CMIP: variants seen among roughly 807,000 people sequenced by gnomAD.
CMIP encodes c-Maf inducing protein.
CMIP carries 13 observed loss-of-function variants against 97.3 expected under a neutral mutation model. The observed-to-expected ratio is 0.13, with a 90% CI of 0.09 to 0.21. CMIP has a LOEUF of 0.21. CMIP is among the 10% of genes least tolerant of loss of function. The pLI is 1.00. For missense variants in CMIP, 847 were observed against 1,024.9 expected (o/e 0.83, Z 2.37); for synonymous variants, 538 against 436.3 (o/e 1.23, Z -2.91).
intron 1 of CMIP, among the ~76,000 whole-genome samples, chr16:81,596,604 AC>A (rs1233042536): frequency 6.6e-6 from 1 of 152,038 alleles, no homozygotes; most frequent in South Asian, 2.1e-4. Context: ...CAAAGTGAAC[AC>A]CCTGTATCAC....
rs1597199762 is a variant in CMIP at position 81,652,358 on chromosome 16, C to G, written c.633C>G (p.Leu211=). 8.7e-6 allele frequency: 14 copies of G among 1,613,000 alleles called. No individual in the cohort carries two copies. In the East Asian group the frequency reaches 1.1e-4, roughly 13 times the overall value. The part of the protein sequence containing the change: ...QAPLEIVSKL[L]SENTNLTTQE... ...CACTGGAAATCGTCTCGAAACTGCTCTCAGAGGTAAAACCCCTCCCCTGGA... is the reference window on the plus strand; with the variant it reads ...CACTGGAAATCGTCTCGAAACTGCTGTCAGAGGTAAAACCCCTCCCCTGGA... Residue 211 remains leucine, a synonymous_variant, in exon 4 of 21, where the codon CTC becomes CTG. Coordinates refer to ENST00000537098, the MANE Select transcript of CMIP (RefSeq NM_198390.3). This position sits in a 1 kb window ranked among gnomAD's most constrained non-coding sequence, Gnocchi z 5.2.
At chr16:81,702,589 G>A in intron 16 of CMIP, 33 bp from the exon 17 acceptor site, 1 of 1,607,488 alleles carries the variant, frequency 6.2e-7, no homozygotes, top group Non-Finnish European at 8.5e-7. Context: ...TTGGGGAAAA[G>A]AATGGTTGTA....
intron 9 of CMIP, among the ~76,000 whole-genome samples, chr16:81,672,373 C>T (rs965066029): frequency 2.6e-5 from 4 of 152,178 alleles, no homozygotes; most frequent in African/African-American, 7.2e-5. Context: ...GTATGACACA[C>T]TGGTGTGTGT....
At chr16:81,467,820 A>G (rs1053350815) in intron 1 of CMIP, among the ~76,000 whole-genome samples, 5 of 149,418 alleles carry the variant, frequency 3.3e-5, no homozygotes, top group Admixed American at 3.3e-4. Flanking sequence ...GACTCAAGCA[A>G]TTCACCTGCC....
intron 1 of CMIP, among the ~76,000 whole-genome samples, chr16:81,459,142 T>C (rs1906751682): frequency 6.6e-6 from 1 of 152,206 alleles, no homozygotes; most frequent in African/African-American, 2.4e-5. Flanking sequence ...TATACCTTCC[T>C]GCTTCCTGCA....
chr16:81,693,825 A>T (rs1467765212), intron 13 of CMIP, among the ~76,000 whole-genome samples: 1 of 152,148 alleles, frequency 6.6e-6, no homozygotes, highest in Non-Finnish European at 1.5e-5. Flanking sequence ...TATGTGAATC[A>T]CTGGGCAGAG....
intron 15 of CMIP, among the ~76,000 whole-genome samples, chr16:81,700,063 C>G (rs1461638312): frequency 6.6e-6 from 1 of 152,174 alleles, no homozygotes; most frequent in Non-Finnish European, 1.5e-5. Flanking sequence ...GTGTAACAAA[C>G]CACCTCTAAG....
At chr16:81,481,904 G>T (rs1310961296) in intron 1 of CMIP, among the ~76,000 whole-genome samples, 2 of 149,746 alleles carry the variant, frequency 1.3e-5, no homozygotes, top group Admixed American at 1.3e-4. Flanking sequence ...TTTGAGAGGG[G>T]GTCTCACTCT....
intron 19 of CMIP, 64 bp downstream of exon 19, chr16:81,705,668 C>A: frequency 1.8e-6 from 2 of 1,083,236 alleles, no homozygotes; most frequent in Non-Finnish European, 2.7e-6. Flanking sequence ...CTTGCTTCAG[C>A]CAAACTGGCC....
At chr16:81,543,810 A>G (rs2090492996) in intron 1 of CMIP, among the ~76,000 whole-genome samples, 1 of 152,208 alleles carries the variant, frequency 6.6e-6, no homozygotes, top group Non-Finnish European at 1.5e-5. Flanking sequence ...AGTTTGAGTC[A>G]TTGTTTAAAA....
chr16:81,529,008 C>T (rs2090183000), intron 1 of CMIP, among the ~76,000 whole-genome samples: 1 of 152,176 alleles, frequency 6.6e-6, no homozygotes, highest in Non-Finnish European at 1.5e-5. Flanking sequence ...TCCCTTCATC[C>T]ATCACTTACT....
intron 1 of CMIP, 137 bp downstream of exon 1, chr16:81,445,678 A>C: frequency 9.9e-7 from 1 of 1,005,572 alleles, no homozygotes; most frequent in Non-Finnish European, 1.4e-6. Flanking sequence ...GGGGAGAACC[A>C]GGGCGCCTCG....
rs139373603 is a variant in CMIP at position 81,585,742 on chromosome 16, C to G, written c.301-21825C>G. The stretch of plus-strand genomic sequence containing the variant: ...CCTTTGCATCTGCTGGAGGATTGGG[C>G]TGGAGAAGAACCCCACCTGTCCTGA... On this transcript the variant is annotated intron_variant, in intron 1 of 20. Coordinates refer to ENST00000537098, the MANE Select transcript of CMIP (RefSeq NM_198390.3). Among the ~76,000 whole-genome samples the G allele has an allele frequency of 1.6e-3, 203 of 126,772 alleles. 2 individuals are homozygous for G. Among genetic ancestry groups the G allele is most frequent in the African/African-American group, 5.2e-3 (197 of 37,998 alleles). The allele number at this position is 126,772 out of a possible 152,430, so 83.2% of individuals were successfully genotyped here. A position where few individuals can be genotyped will look rare whatever the true frequency, so the allele number is the denominator to read the frequency against.
In CMIP at chr16:81,514,149, G is replaced by T. The variant is rs199920587; in HGVS notation, c.300+68608G>T. On this transcript the variant is annotated intron_variant, in intron 1 of 20. Coordinates refer to ENST00000537098, the MANE Select transcript of CMIP (RefSeq NM_198390.3). ...GACTTCATGTATTTACTATAGAAGA[G>T]ACTAGAATCCGGTGACACTTCCAGT... Among the ~76,000 whole-genome samples the T allele has an allele frequency of 2.0e-5, 3 of 152,336 alleles. No individual in the cohort carries two copies. The East Asian group carries it at 5.8e-4, about 29-fold the overall frequency.
intron 1 of CMIP, among the ~76,000 whole-genome samples, chr16:81,578,862 C>A (rs1477345133): frequency 6.6e-6 from 1 of 152,226 alleles, no homozygotes; most frequent in Non-Finnish European, 1.5e-5. Flanking sequence ...CCACTTGCTG[C>A]CCCGGAGACC....
intron 2 of CMIP, chr16:81,619,129 G>C (rs542856401): frequency 1.3e-5 from 2 of 152,324 alleles, no homozygotes; most frequent in African/African-American, 4.8e-5. Flanking sequence ...ACCTGTAAGA[G>C]GCTCAGCCCT....
intron 1 of CMIP, chr16:81,607,087 G>C (rs1172072334): frequency 6.4e-6 from 1 of 156,604 alleles, no homozygotes; most frequent in African/African-American, 2.4e-5. Flanking sequence ...AGCCATTGAA[G>C]AATGTTGAGG....
intron 1 of CMIP, among the ~76,000 whole-genome samples, chr16:81,590,204 G>A (rs74811521): frequency 0.012 from 1,858 of 152,252 alleles, 41 homozygotes; most frequent in African/African-American, 0.042. Context: ...CCCTCTGCTC[G>A]TCGGACAAAA....
chr16:81,534,696 T>TAC (rs1203693766), intron 1 of CMIP, among the ~76,000 whole-genome samples: 1 of 152,148 alleles, frequency 6.6e-6, no homozygotes, highest in African/African-American at 2.4e-5. Flanking sequence ...ACTAAGCACC[T>TAC]ACACCCAGGA....
Sources: allele counts gnomAD v4.1 joint callset (sites outside exome capture counted in the v4.1 genomes callset), GRCh38; gene constraint gnomAD v4.1.1; non-coding constraint Gnocchi (gnomAD v3.1); transcripts MANE v1.5; gene names NCBI Gene and HGNC (gene_info 2026-07-23, HGNC 2026-07-21).